NCKAP5: variants seen among roughly 807,000 people sequenced by gnomAD.
The protein encoded by NCKAP5 is nck-associated protein 5.
Under a neutral mutation model 167.0 loss-of-function variants are expected in NCKAP5, and 92 were observed. The observed-to-expected ratio is 0.55, with a 90% CI of 0.47 to 0.66. The LOEUF is 0.66. NCKAP5 is among the 30% of genes least tolerant of loss of function. The pLI is 0.00. For synonymous variants in NCKAP5, 891 were observed against 877.4 expected, an observed-to-expected ratio of 1.02 and a Z score of -0.27; for missense variants, 2,378 against 2,315.0, an observed-to-expected ratio of 1.03 and a Z score of -0.56.
intron 2 of NCKAP5, among the ~76,000 whole-genome samples, chr2:133,530,032 G>A (rs566812956): frequency 2.2e-4 from 33 of 152,086 alleles, no homozygotes; most frequent in Admixed American, 5.9e-4. Flanking sequence ...TCCTTTATGC[G>A]TTCTAAATTA....
intron 2 of NCKAP5, among the ~76,000 whole-genome samples, chr2:133,548,981 C>T (rs547353137): frequency 2.6e-5 from 4 of 151,860 alleles, no homozygotes; most frequent in South Asian, 2.1e-4. Context: ...ATTCAGGAAA[C>T]CCATCTCACA....
intron 1 of NCKAP5, among the ~76,000 whole-genome samples, chr2:133,560,585 T>A (rs1688083929): frequency 6.6e-6 from 1 of 151,880 alleles, no homozygotes; most frequent in Non-Finnish European, 1.5e-5. Flanking sequence ...AAGGAGAGAT[T>A]TGGGTGAATA....
intron 5 of NCKAP5, among the ~76,000 whole-genome samples, chr2:133,156,934 A>T (rs572469891): frequency 6.6e-6 from 1 of 152,184 alleles, no homozygotes; most frequent in South Asian, 2.1e-4. Flanking sequence ...CCCTCATATG[A>T]ACTCTCCACT....
intron 5 of NCKAP5, among the ~76,000 whole-genome samples, chr2:133,178,718 G>C (rs925725981): frequency 3.4e-5 from 5 of 149,192 alleles, no homozygotes; most frequent in Admixed American, 6.7e-5. Flanking sequence ...CCAGCTACTC[G>C]GGAGGCTGAG....
intron 11 of NCKAP5, among the ~76,000 whole-genome samples, chr2:132,806,453 A>G (rs1194076687): frequency 6.6e-6 from 1 of 151,292 alleles, no homozygotes; most frequent in African/African-American, 2.4e-5. Context: ...TTTTTTCATT[A>G]TGGCCATTCT....
intron 6 of NCKAP5, among the ~76,000 whole-genome samples, chr2:133,107,246 C>T (rs958202677): frequency 2.0e-5 from 3 of 152,144 alleles, no homozygotes; most frequent in African/African-American, 7.2e-5. Flanking sequence ...ATCTTCATAA[C>T]CTAAAAAGCC....
intron 4 of NCKAP5, among the ~76,000 whole-genome samples, chr2:133,252,610 T>C (rs2088403829): frequency 6.6e-6 from 1 of 152,166 alleles, no homozygotes; most frequent in African/African-American, 2.4e-5. Context: ...TTCTGCCCTG[T>C]CACTGATTTA....
At chr2:133,645,406 A>C in the NCKAP5 span, among the ~76,000 whole-genome samples, 10 of 152,174 alleles carry the variant, frequency 6.6e-5, no homozygotes, top group Non-Finnish European at 1.3e-4. Flanking sequence ...TAGCATACCT[A>C]CTATATACCA....
At chr2:133,316,282 TGACATTCAAATGAGATTGG>T (rs1681604681) in intron 3 of NCKAP5, among the ~76,000 whole-genome samples, 1 of 152,188 alleles carries the variant, frequency 6.6e-6, no homozygotes, top group Non-Finnish European at 1.5e-5. Context: ...TGGATTCTCT[TGACATTCAAATGAGATTGG>T]GGACAAGGTG....
At chr2:132,947,132 C>T (rs1697813084) in intron 8 of NCKAP5, among the ~76,000 whole-genome samples, 1 of 152,014 alleles carries the variant, frequency 6.6e-6, no homozygotes, top group Admixed American at 6.6e-5. Context: ...GGTGGCAATC[C>T]TTGAAGAAAA....
At chr2:133,190,680 T>C (rs1397120749) in intron 5 of NCKAP5, among the ~76,000 whole-genome samples, 1 of 152,214 alleles carries the variant, frequency 6.6e-6, no homozygotes, top group Non-Finnish European at 1.5e-5. Context: ...GAGGATTCCC[T>C]ATTTAATAAA....
intron 3 of NCKAP5, among the ~76,000 whole-genome samples, chr2:133,313,938 C>T (rs1401676179): frequency 1.3e-5 from 2 of 152,196 alleles, no homozygotes; most frequent in Non-Finnish European, 2.9e-5. Flanking sequence ...CCCAGCATTA[C>T]ATCCACACAC....
At chr2:133,349,795 T>C (rs1684230921) in intron 3 of NCKAP5, among the ~76,000 whole-genome samples, 2 of 152,184 alleles carry the variant, frequency 1.3e-5, no homozygotes, top group African/African-American at 4.8e-5. Flanking sequence ...AATGCCTCCA[T>C]ACTATTGTAC....
At chr2:132,807,268 G>C (rs1226473962) in intron 11 of NCKAP5, among the ~76,000 whole-genome samples, 1 of 151,976 alleles carries the variant, frequency 6.6e-6, no homozygotes, top group Admixed American at 6.6e-5. Flanking sequence ...ATGAATTTTA[G>C]AATTGTTTTT....
At chr2:133,528,487 C>T (rs975436370) in intron 2 of NCKAP5, among the ~76,000 whole-genome samples, 2 of 152,122 alleles carry the variant, frequency 1.3e-5, no homozygotes, top group Non-Finnish European at 2.9e-5. Context: ...TATAATAAGG[C>T]TACAGAGGAG....
chr2:133,320,369 G>C (rs1056596488), intron 3 of NCKAP5, among the ~76,000 whole-genome samples: 17 of 152,040 alleles, frequency 1.1e-4, no homozygotes, highest in African/African-American at 4.1e-4. Context: ...CACTTGTCAC[G>C]GGGCTCTCTA....
At chr2:133,282,076 A>T (rs2089956282) in intron 4 of NCKAP5, among the ~76,000 whole-genome samples, 2 of 152,176 alleles carry the variant, frequency 1.3e-5, no homozygotes, top group African/African-American at 4.8e-5. Context: ...TTAAATGTTT[A>T]GGGTAATGAT....
Position 132,773,859 on chromosome 2 carries a change from T to A in NCKAP5, c.5085A>T (p.Glu1695Asp), listed in dbSNP as rs980236489. Residue 1695 changes from glutamate (E) to aspartate (D), a missense_variant, in exon 16 of 20, where the codon GAA becomes GAT. Glu to Asp is a conservative substitution (Grantham distance 45, BLOSUM62 2). Coordinates refer to ENST00000409261, the MANE Select transcript of NCKAP5 (RefSeq NM_207363.3). Reference sequence around the variant, plus strand: ...ATACAGAATCTGCAACTGCATCGTCTTCATCCTCTTGCAAGTTTTCATTTG... The same window carrying A: ...ATACAGAATCTGCAACTGCATCGTCATCATCCTCTTGCAAGTTTTCATTTG... ...KEANENLQEDEDDAVADSVFQ... is the reference protein window; with the variant it reads ...KEANENLQEDDDDAVADSVFQ... The A allele has an allele frequency of 2.5e-6, 4 of 1,611,180 alleles. No individual in the cohort carries two copies. The highest frequency in any genetic ancestry group is 2.5e-6 in the Non-Finnish European group (3 of 1,179,120).
At chr2:133,448,444 C>T (rs1446073658) in intron 3 of NCKAP5, among the ~76,000 whole-genome samples, 2 of 151,974 alleles carry the variant, frequency 1.3e-5, no homozygotes, top group Admixed American at 6.6e-5. Flanking sequence ...CCATTGTTTA[C>T]CCTGAGCAGT....
Sources: gnomAD v4.1 joint callset for allele counts (sites outside exome capture counted in the v4.1 genomes callset) on GRCh38, gnomAD v4.1.1 for gene constraint, MANE v1.5 for transcripts, NCBI Gene and HGNC (gene_info 2026-07-23, HGNC 2026-07-21) for gene names.